Variants in SORCS3 observed in about 807,000 individuals in gnomAD.
The protein encoded by SORCS3 is VPS10 domain-containing receptor SorCS3.
SORCS3 carries 57 observed loss-of-function variants against 146.3 expected under a neutral mutation model. That is an observed-to-expected ratio of 0.39 (90% CI 0.31 to 0.49). The LOEUF is 0.49. SORCS3 is among the 20% of genes least tolerant of loss of function. The probability of loss-of-function intolerance (pLI) is 0.92; values close to 1 mark genes in which losing one functional copy is unlikely to be tolerated. For missense variants in SORCS3, 1,341 were observed against 1,575.5 expected (o/e 0.85, Z 2.52); for synonymous variants, 653 against 618.5 (o/e 1.06, Z -0.83).
chr10:104,732,020 G>A (rs2016711912), intron 1 of SORCS3, among the ~76,000 whole-genome samples: 1 of 152,142 alleles, frequency 6.6e-6, no homozygotes. Context: ...TATTTTATAG[G>A]GTTAGAAGGA....
rs74155089 is a variant in SORCS3 at position 105,014,166 on chromosome 10, A to G, written c.955-28889A>G. 3.2e-3 allele frequency among the ~76,000 whole-genome samples: 483 copies of G among 150,592 alleles called. 3 individuals carry two copies. The highest frequency in any genetic ancestry group is 0.011 in the African/African-American group (435 of 41,194). On this transcript the variant is annotated intron_variant, in intron 4 of 26. Transcript: ENST00000369701. The stretch of plus-strand genomic sequence containing the variant: ...GTAATATAAAAAAATTCGCATAGCA[A>G]AAAAATGGTTATTGAGTAGGCTATT...
chr10:104,721,334 A>G (rs998141589), intron 1 of SORCS3, among the ~76,000 whole-genome samples: 7 of 152,088 alleles, frequency 4.6e-5, no homozygotes, highest in Admixed American at 2.0e-4. Flanking sequence ...CCATTGATCT[A>G]TATTTCTGTT....
At chr10:105,167,403 G>A (rs2056323185) in intron 13 of SORCS3, 54 bp downstream of exon 13, 1 of 1,301,884 alleles carries the variant, frequency 7.7e-7, no homozygotes, top group South Asian at 1.2e-5. Context: ...TTTTAGTGGA[G>A]AGGATTGTGA....
chr10:105,062,694 G>A (rs2055495881), intron 5 of SORCS3, among the ~76,000 whole-genome samples: 1 of 152,164 alleles, frequency 6.6e-6, no homozygotes, highest in African/African-American at 2.4e-5. Context: ...GCAAGGGCTA[G>A]CCCCATTATA....
intron 2 of SORCS3, among the ~76,000 whole-genome samples, chr10:104,856,275 C>G (rs2018330293): frequency 6.6e-6 from 1 of 151,068 alleles, no homozygotes; most frequent in Non-Finnish European, 1.5e-5. Flanking sequence ...TGGTTGGTCT[C>G]TCTCTCTCTC....
chr10:104,865,158 G>A (rs1207508808), intron 2 of SORCS3, among the ~76,000 whole-genome samples: 1 of 152,166 alleles, frequency 6.6e-6, no homozygotes, highest in Non-Finnish European at 1.5e-5. Context: ...TTGAGAGAAG[G>A]GATTGTGTTT....
At chr10:105,047,432 A>G (rs970018518) in intron 5 of SORCS3, among the ~76,000 whole-genome samples, 2 of 152,118 alleles carry the variant, frequency 1.3e-5, no homozygotes, top group Admixed American at 6.6e-5. Flanking sequence ...TCTTGAAAGA[A>G]TTAGGTCCCT....
chr10:105,224,931 A>T (rs1007075930), intron 20 of SORCS3, among the ~76,000 whole-genome samples: 1 of 152,070 alleles, frequency 6.6e-6, no homozygotes, highest in African/African-American at 2.4e-5. Flanking sequence ...TTTAAATCAG[A>T]TTGTTCCATT....
chr10:105,043,183 T>C (rs2055349325), intron 5 of SORCS3, 55 bp downstream of exon 5: 1 of 1,474,596 alleles, frequency 6.8e-7, no homozygotes. Flanking sequence ...TCAAACAGCG[T>C]AGCACTCTAG....
intron 5 of SORCS3, among the ~76,000 whole-genome samples, chr10:105,059,880 G>A (rs1348098563): frequency 2.6e-5 from 4 of 152,174 alleles, no homozygotes; most frequent in Non-Finnish European, 5.9e-5. Flanking sequence ...GCAGAGCCTC[G>A]CATTGAGCCC....
At chr10:104,795,268 A>G (rs928519466) in intron 1 of SORCS3, among the ~76,000 whole-genome samples, 7 of 152,228 alleles carry the variant, frequency 4.6e-5, no homozygotes, top group Admixed American at 2.0e-4. Context: ...TAAGAGCTAT[A>G]AAGGCAGACT....
intron 4 of SORCS3, among the ~76,000 whole-genome samples, chr10:105,010,416 T>C (rs1176811500): frequency 3.3e-5 from 5 of 152,228 alleles, no homozygotes; most frequent in Non-Finnish European, 4.4e-5. Flanking sequence ...ATAATTGTTT[T>C]TCTCAGACAA....
intron 1 of SORCS3, among the ~76,000 whole-genome samples, chr10:104,804,239 A>G (rs1347693161): frequency 1.3e-5 from 2 of 152,238 alleles, no homozygotes; most frequent in African/African-American, 4.8e-5. Context: ...CTTTGCAAAG[A>G]TGAAGGAACC....
intron 5 of SORCS3, among the ~76,000 whole-genome samples, chr10:105,082,878 A>G (rs1038508705): frequency 2.6e-5 from 4 of 151,994 alleles, no homozygotes; most frequent in African/African-American, 9.7e-5. Flanking sequence ...TTACATGTAC[A>G]CACCACCACA....
intron 1 of SORCS3, among the ~76,000 whole-genome samples, chr10:104,803,177 A>T (rs969333871): frequency 6.6e-6 from 1 of 152,184 alleles, no homozygotes; most frequent in Non-Finnish European, 1.5e-5. Context: ...ATAAAAAGCA[A>T]AACAAACAAA....
intron 3 of SORCS3, among the ~76,000 whole-genome samples, chr10:104,955,883 T>C (rs1327957770): frequency 6.6e-6 from 1 of 152,120 alleles, no homozygotes; most frequent in African/African-American, 2.4e-5. Flanking sequence ...GAGAAAAAGT[T>C]CTTCTTGCCA....
chr10:105,028,629 T>A (rs2055245443), intron 4 of SORCS3, among the ~76,000 whole-genome samples: 1 of 152,208 alleles, frequency 6.6e-6, no homozygotes, highest in African/African-American at 2.4e-5. Context: ...TATTTGGAAT[T>A]AATCCTCTCC....
At chr10:105,152,144 C>T (rs1443504253) in intron 9 of SORCS3, among the ~76,000 whole-genome samples, 3 of 152,222 alleles carry the variant, frequency 2.0e-5, no homozygotes, top group East Asian at 1.9e-4. Flanking sequence ...TCTGAGCTGC[C>T]GGTGTGATAC....
chr10:104,831,899 G>A (rs2018004890), intron 1 of SORCS3, among the ~76,000 whole-genome samples: 1 of 152,190 alleles, frequency 6.6e-6, no homozygotes, highest in Non-Finnish European at 1.5e-5. Context: ...ACTCATCTCT[G>A]TGCACACACA....
Sources: gnomAD v4.1 joint callset for allele counts (sites outside exome capture counted in the v4.1 genomes callset) on GRCh38, gnomAD v4.1.1 for gene constraint, MANE v1.5 for transcripts, NCBI Gene and HGNC (gene_info 2026-07-23, HGNC 2026-07-21) for gene names.